MLLT3: variants seen among roughly 807,000 people sequenced by gnomAD.
MLLT3 encodes MLLT3 super elongation complex subunit.
Under a neutral mutation model 53.2 loss-of-function variants are expected in MLLT3, and 4 were observed. That is an observed-to-expected ratio of 0.08 (90% CI 0.04 to 0.17). MLLT3 has a LOEUF of 0.17. Among genes scored for constraint, MLLT3 ranks in the 10% least tolerant of loss-of-function variants. The pLI is 1.00. For missense variants in MLLT3, 569 were observed against 684.0 expected (o/e 0.83, Z 1.87); for synonymous variants, 283 against 230.6 (o/e 1.23, Z -2.06).
At chr9:20,435,693 A>G (rs1204366756) in intron 4 of MLLT3, among the ~76,000 whole-genome samples, 3 of 152,134 alleles carry the variant, frequency 2.0e-5, no homozygotes, top group African/African-American at 7.2e-5. Context: ...GTACGGGAAG[A>G]CTTAGGAAGG....
intron 2 of MLLT3, among the ~76,000 whole-genome samples, chr9:20,506,986 A>C (rs1300158304): frequency 6.6e-6 from 1 of 152,230 alleles, no homozygotes; most frequent in East Asian, 1.9e-4. Flanking sequence ...ATGTAAAATT[A>C]ATTCTCTTTG....
chr9:20,456,924 C>A, intron 2 of MLLT3, 138 bp from the exon 3 acceptor site: 1 of 610,946 alleles, frequency 1.6e-6, no homozygotes, highest in Non-Finnish European at 2.8e-6. Flanking sequence ...CCAGTTGAGT[C>A]TCCGATCTAT....
At chr9:20,363,689 G>A in intron 6 of MLLT3, 84 bp from the exon 7 acceptor site, 1 of 1,283,360 alleles carries the variant, frequency 7.8e-7, no homozygotes, top group Non-Finnish European at 1.1e-6. Flanking sequence ...ATGCTTACCA[G>A]CACTGAACAC....
In MLLT3 at chr9:20,569,216, G is replaced by A. The variant is rs114835219; in HGVS notation, c.193+51438C>T. Reference sequence around the variant, plus strand: ...CAGCATTTACAGAATGCTTACTTATGTGCCTCCCATGGTCTTATTCACATA... The same window carrying A: ...CAGCATTTACAGAATGCTTACTTATATGCCTCCCATGGTCTTATTCACATA... On this transcript the variant is annotated intron_variant, in intron 2 of 10. Transcript: ENST00000380338. Among the ~76,000 whole-genome samples the A allele has an allele frequency of 3.0e-3, 458 of 152,230 alleles. 3 individuals are homozygous for A. The highest frequency in any genetic ancestry group is 0.011 in the African/African-American group (447 of 41,546).
At chr9:20,411,156 G>C (rs1822717545) in intron 5 of MLLT3, 1 of 152,446 alleles carries the variant, frequency 6.6e-6, no homozygotes, top group African/African-American at 2.4e-5. Context: ...CAAGGTAACA[G>C]GGGATACTTG....
intron 2 of MLLT3, among the ~76,000 whole-genome samples, chr9:20,520,194 G>T (rs1248620575): frequency 1.3e-5 from 2 of 152,130 alleles, no homozygotes; most frequent in Non-Finnish European, 2.9e-5. Context: ...ACTGGGGCCT[G>T]TTGGAGGGTG....
chr9:20,555,247 T>C (rs538269209), intron 2 of MLLT3, among the ~76,000 whole-genome samples: 3 of 152,272 alleles, frequency 2.0e-5, no homozygotes, highest in Non-Finnish European at 2.9e-5. Context: ...ATGCCGGAAA[T>C]AGCATTTTGG....
chr9:20,464,020 A>G (rs4977256), intron 2 of MLLT3, among the ~76,000 whole-genome samples: 57,257 of 151,634 alleles, frequency 0.38, 12,631 homozygotes, highest in African/African-American at 0.62. Flanking sequence ...TATATAAAAA[A>G]CCATTGAAGA....
chr9:20,396,649 T>C (rs755523018), intron 5 of MLLT3, among the ~76,000 whole-genome samples: 4 of 152,082 alleles, frequency 2.6e-5, no homozygotes, highest in Non-Finnish European at 2.9e-5. Context: ...GGCATATATT[T>C]ACAGGAGCAC....
chr9:20,369,344 C>T (rs139490028), intron 5 of MLLT3, among the ~76,000 whole-genome samples: 76 of 152,282 alleles, frequency 5.0e-4, no homozygotes, highest in African/African-American at 1.7e-3. Flanking sequence ...ATTAGTCTGC[C>T]TTTCTTCCTT....
chr9:20,413,695 G>T, intron 5 of MLLT3, 26 bp downstream of exon 5: 1 of 1,520,418 alleles, frequency 6.6e-7, no homozygotes, highest in Non-Finnish European at 8.8e-7. Flanking sequence ...TAAGGGAAAG[G>T]AAGAAAGCCA....
At chr9:20,440,717 GT>G (rs1207553669) in intron 4 of MLLT3, among the ~76,000 whole-genome samples, 2 of 152,026 alleles carry the variant, frequency 1.3e-5, no homozygotes, top group Non-Finnish European at 2.9e-5. Context: ...AGAATCAACA[GT>G]TTTCAACTGC....
chr9:20,559,578 G>GCTA (rs1245455338), intron 2 of MLLT3, among the ~76,000 whole-genome samples: 1 of 152,196 alleles, frequency 6.6e-6, no homozygotes, highest in African/African-American at 2.4e-5. Context: ...CTTTTGCAGG[G>GCTA]GTAGGCAGAG....
At chr9:20,584,071 G>C (rs1264741002) in intron 2 of MLLT3, among the ~76,000 whole-genome samples, 1 of 152,096 alleles carries the variant, frequency 6.6e-6, no homozygotes, top group Non-Finnish European at 1.5e-5. Flanking sequence ...TGAATACTTT[G>C]CTGCTTAGAA....
At chr9:20,498,333 A>G (rs1586997099) in intron 2 of MLLT3, among the ~76,000 whole-genome samples, 1 of 146,542 alleles carries the variant, frequency 6.8e-6, no homozygotes, top group East Asian at 2.0e-4. Flanking sequence ...TAGCCATTCT[A>G]CTGAGAATGT....
intron 4 of MLLT3, among the ~76,000 whole-genome samples, chr9:20,431,070 A>G (rs1046799912): frequency 2.0e-5 from 3 of 152,148 alleles, no homozygotes; most frequent in Non-Finnish European, 4.4e-5. Context: ...GTCTGACAAG[A>G]AAATAGAACA....
intron 5 of MLLT3, among the ~76,000 whole-genome samples, chr9:20,365,962 C>T (rs972253503): frequency 6.6e-6 from 1 of 152,158 alleles, no homozygotes; most frequent in Non-Finnish European, 1.5e-5. Context: ...GAGATAAACA[C>T]TTGGGTGTTA....
chr9:20,613,255 AC>A (rs1563844030), intron 2 of MLLT3, among the ~76,000 whole-genome samples: 1 of 152,188 alleles, frequency 6.6e-6, no homozygotes, highest in Non-Finnish European at 1.5e-5. Context: ...AAAACCACAG[AC>A]TTGCACACTT....
At chr9:20,436,821 A>G (rs1823418879) in intron 4 of MLLT3, among the ~76,000 whole-genome samples, 1 of 152,178 alleles carries the variant, frequency 6.6e-6, no homozygotes, top group Non-Finnish European at 1.5e-5. Context: ...ATAAAAATAC[A>G]CCCTGATCCA....
Sources: gnomAD v4.1 joint callset for allele counts (sites outside exome capture counted in the v4.1 genomes callset) on GRCh38, gnomAD v4.1.1 for gene constraint, MANE v1.5 for transcripts, NCBI Gene and HGNC (gene_info 2026-07-23, HGNC 2026-07-21) for gene names.